The following UCK2 variants were observed in gnomAD, a reference collection of about 807,000 sequenced individuals.
UCK2 encodes cytidine monophosphokinase 2.
In UCK2, 6 loss-of-function variants were observed where a neutral mutation model predicts 30.8. The observed-to-expected ratio is 0.19, with a 90% CI of 0.11 to 0.38. UCK2 has a LOEUF of 0.38. Among genes scored for constraint, UCK2 ranks in the 10% least tolerant of loss-of-function variants. The pLI is 1.00. For synonymous variants in UCK2, 125 were observed against 133.6 expected, an observed-to-expected ratio of 0.94 and a Z score of 0.45; for missense variants, 210 against 339.8, an observed-to-expected ratio of 0.62 and a Z score of 3.00.
chr1:165,876,929 A>G (rs1457312790), intron 1 of UCK2, among the ~76,000 whole-genome samples: 2 of 152,204 alleles, frequency 1.3e-5, no homozygotes, highest in African/African-American at 2.4e-5. Context: ...GACACATGTC[A>G]TGGGGTTTAG....
intron 1 of UCK2, among the ~76,000 whole-genome samples, chr1:165,881,948 T>C (rs543568194): frequency 4.6e-5 from 7 of 152,362 alleles, no homozygotes; most frequent in Admixed American, 4.6e-4. Flanking sequence ...AACATCTGCA[T>C]CTTTCTAGGC....
At chr1:165,903,777 G>T (rs1202490264) in intron 5 of UCK2, among the ~76,000 whole-genome samples, 1 of 152,140 alleles carries the variant, frequency 6.6e-6, no homozygotes, top group African/African-American at 2.4e-5. Context: ...ATGCCTTACT[G>T]GAATAAGCTT....
At chr1:165,855,722 G>A (rs533727309) in intron 1 of UCK2, among the ~76,000 whole-genome samples, 9 of 152,230 alleles carry the variant, frequency 5.9e-5, no homozygotes, top group African/African-American at 1.9e-4. Context: ...GGCTACCTGT[G>A]ATGGGGAACA....
intron 4 of UCK2, among the ~76,000 whole-genome samples, chr1:165,898,760 T>A (rs972885054): frequency 3.3e-5 from 5 of 152,260 alleles, no homozygotes; most frequent in African/African-American, 1.2e-4. Flanking sequence ...CATGGGATTC[T>A]TATGTGAAAT....
intron 1 of UCK2, among the ~76,000 whole-genome samples, chr1:165,881,726 T>C (rs779851792): frequency 6.6e-6 from 1 of 152,262 alleles, no homozygotes; most frequent in Non-Finnish European, 1.5e-5. Context: ...ATTATTATCA[T>C]CACTCAGTTA....
At position 165,909,618 on chromosome 1, in the gene UCK2, G is replaced by C. The variant is rs574003664; in HGVS notation, c.*1795G>C. ...TCAGGAGACCGTGCAGGCTCTGAAG[G>C]GAGCTCCCAGTCACAGCAGCCGCCT... On this transcript the variant is annotated 3_prime_UTR_variant, in exon 7 of 7. Coordinates refer to ENST00000367879, the MANE Select transcript of UCK2 (RefSeq NM_012474.5). 3.9e-5 allele frequency: 6 copies of C among 152,392 alleles called. No individual in the cohort carries two copies. The highest frequency in any genetic ancestry group is 2.6e-4 in the Admixed American group (4 of 15,308). The allele number at this position is 152,392 out of a possible 1,614,324, so 9.4% of individuals were successfully genotyped here.
rs986073917 is a variant in UCK2, at chr1:165,908,696, A to T, written c.*873A>T. ...TGATAGAAGATGGGAAGGAGAGGGC[A>T]GAACTTTGCCTGCTGTCATATCTGA... is the stretch of plus-strand genomic sequence containing the variant. On this transcript the variant is annotated 3_prime_UTR_variant, in exon 7 of 7. Transcript: ENST00000367879. 6.6e-6 allele frequency: 1 copy of T among 152,264 alleles called. No homozygotes were observed. Among genetic ancestry groups the T allele is most frequent in the African/African-American group, 2.4e-5 (1 of 41,436 alleles). 9.4% of individuals were successfully genotyped at this position (152,264 alleles called of 1,614,324 possible). A position where few individuals can be genotyped will look rare whatever the true frequency, so the allele number is the denominator to read the frequency against.
At chr1:165,896,978 A>C (rs1424606159) in intron 4 of UCK2, among the ~76,000 whole-genome samples, 1 of 152,190 alleles carries the variant, frequency 6.6e-6, no homozygotes, top group Non-Finnish European at 1.5e-5. Context: ...TATTCAGCAG[A>C]GAGTTCGCTT....
At chr1:165,862,934 A>T (rs796421238) in intron 1 of UCK2, among the ~76,000 whole-genome samples, 2 of 152,200 alleles carry the variant, frequency 1.3e-5, no homozygotes, top group South Asian at 4.1e-4. Context: ...TGTAGAAAAG[A>T]AAAACTTTAT....
At chr1:165,832,079 A>G (rs944563164) in intron 1 of UCK2, among the ~76,000 whole-genome samples, 1 of 152,044 alleles carries the variant, frequency 6.6e-6, no homozygotes, top group Non-Finnish European at 1.5e-5. Context: ...TTATTTTTCT[A>G]CACAGCCAAA....
At chr1:165,894,881 T>C (rs543317559) in intron 3 of UCK2, among the ~76,000 whole-genome samples, 57 of 152,316 alleles carry the variant, frequency 3.7e-4, no homozygotes, top group African/African-American at 1.2e-3. Flanking sequence ...GACTTTGTTT[T>C]ATTTGGTTTG....
At chr1:165,860,425 C>G (rs1654865895) in intron 1 of UCK2, among the ~76,000 whole-genome samples, 1 of 152,040 alleles carries the variant, frequency 6.6e-6, no homozygotes, top group Non-Finnish European at 1.5e-5. Context: ...GATGTTTGTG[C>G]AGAGTGAATT....
At chr1:165,884,427 GTCT>G (rs1655571746) in intron 1 of UCK2, among the ~76,000 whole-genome samples, 1 of 152,188 alleles carries the variant, frequency 6.6e-6, no homozygotes, top group African/African-American at 2.4e-5. Context: ...TGGTTATCTG[GTCT>G]TCTTCTGTAA....
At chr1:165,891,381 C>A in intron 3 of UCK2, 59 bp downstream of exon 3, 3 of 1,495,750 alleles carry the variant, frequency 2.0e-6, no homozygotes, top group South Asian at 1.1e-5. Flanking sequence ...CATCCCTGGT[C>A]TGCACTGAGA....
At chr1:165,878,338 T>C (rs891695706) in intron 1 of UCK2, among the ~76,000 whole-genome samples, 2 of 150,562 alleles carry the variant, frequency 1.3e-5, no homozygotes, top group African/African-American at 4.9e-5. Flanking sequence ...TTTCTTTCTT[T>C]TTTTTTTTTT....
intron 1 of UCK2, among the ~76,000 whole-genome samples, chr1:165,869,155 C>T (rs537459610): frequency 1.3e-5 from 2 of 151,798 alleles, no homozygotes; most frequent in African/African-American, 2.4e-5. Flanking sequence ...GGTGGCACCC[C>T]GAAATAATTA....
intron 1 of UCK2, among the ~76,000 whole-genome samples, chr1:165,871,307 T>C (rs554787874): frequency 6.6e-6 from 1 of 152,294 alleles, no homozygotes; most frequent in Non-Finnish European, 1.5e-5. Flanking sequence ...AACAAATGGC[T>C]TTCATCTGGG....
rs190083502 is a variant in UCK2 at position 165,867,669 on chromosome 1, T to G, written c.100-22535T>G. Among the ~76,000 whole-genome samples the G allele has an allele frequency of 1.8e-3, 277 of 152,318 alleles. 1 individual carries two copies. Among genetic ancestry groups the G allele is most frequent in the Middle Eastern group, 0.01 (3 of 294 alleles). On this transcript the variant is annotated intron_variant, in intron 1 of 6. Transcript: ENST00000367879. ...TATTTGTTCACATTTTATTATGAGA[T>G]TGCAACAATTCAGTCACATCTTCAG...
chr1:165,861,650 C>CA (rs986990445), intron 1 of UCK2, among the ~76,000 whole-genome samples: 4 of 52,364 alleles, frequency 7.6e-5, no homozygotes, highest in Non-Finnish European at 1.0e-4. Context: ...AAAAAAAAAA[C>CA]AAAAAAAAAC....
Sources: gnomAD v4.1 joint callset for allele counts (sites outside exome capture counted in the v4.1 genomes callset) on GRCh38, gnomAD v4.1.1 for gene constraint, MANE v1.5 for transcripts, NCBI Gene and HGNC (gene_info 2026-07-23, HGNC 2026-07-21) for gene names.